ZDHHC7: variants seen among roughly 807,000 people sequenced by gnomAD.
ZDHHC7 encodes zDHHC palmitoyltransferase 7.
ZDHHC7 carries 12 observed loss-of-function variants against 34.1 expected under a neutral mutation model. The ratio of observed to expected loss-of-function variants is 0.35; its 90% confidence interval spans 0.23 to 0.57. The LOEUF (loss-of-function observed/expected upper bound fraction) is 0.57, where lower values mean the gene tolerates loss of function less well. Ranked by LOEUF, ZDHHC7 falls within the 20% of genes least tolerant of loss-of-function variation. The pLI is 0.84. For synonymous variants in ZDHHC7, 185 were observed against 155.4 expected (o/e 1.19, Z -1.42); for missense variants, 388 against 402.7 (o/e 0.96, Z 0.31).
intron 4 of ZDHHC7, among the ~76,000 whole-genome samples, chr16:84,981,082 G>T (rs545366285): frequency 6.6e-6 from 1 of 152,178 alleles, no homozygotes; most frequent in African/African-American, 2.4e-5. Flanking sequence ...GTACAGGGAC[G>T]TGTGACAACT....
At chr16:85,006,063 C>T (rs1028765855) in intron 1 of ZDHHC7, among the ~76,000 whole-genome samples, 7 of 152,134 alleles carry the variant, frequency 4.6e-5, no homozygotes, top group East Asian at 1.9e-4. Flanking sequence ...CAGGAATCAC[C>T]GTTCAAAATC....
chr16:85,012,578 A>G (rs2072808501), upstream of ZDHHC7, among the ~76,000 whole-genome samples: 1 of 152,012 alleles, frequency 6.6e-6, no homozygotes, highest in Non-Finnish European at 1.5e-5. Flanking sequence ...ATGCCAGACA[A>G]TACCTACTTG....
At chr16:84,987,893 G>A (rs775864811) in intron 3 of ZDHHC7, among the ~76,000 whole-genome samples, 9 of 152,236 alleles carry the variant, frequency 5.9e-5, no homozygotes, top group African/African-American at 7.2e-5. Flanking sequence ...GCGGCCAGGC[G>A]CAGTGGCTCA....
At position 84,975,721 on chromosome 16, in the gene ZDHHC7, A is replaced by ACACACGCGCG. The variant is rs1241800930; in HGVS notation, c.*612_*621dup. The ACACACGCGCG allele has an allele frequency of 6.8e-6, 1 of 146,726 alleles. No individual in the cohort carries two copies. The highest frequency in any genetic ancestry group is 1.5e-5 in the Non-Finnish European group (1 of 67,720). 9.1% of individuals were successfully genotyped at this position (146,726 alleles called of 1,614,324 possible). A position where few individuals can be genotyped will look rare whatever the true frequency, so the allele number is the denominator to read the frequency against. ...ACACTGGCAATTTTGACACACATGC[A>ACACACGCGCG]CACACGCGCGCACACGCACAGACAC... On this transcript the variant is annotated 3_prime_UTR_variant, in exon 8 of 8. Coordinates refer to ENST00000313732, the MANE Select transcript of ZDHHC7 (RefSeq NM_017740.3).
At chr16:84,984,984 C>A (rs996495444) in intron 3 of ZDHHC7, among the ~76,000 whole-genome samples, 1 of 152,222 alleles carries the variant, frequency 6.6e-6, no homozygotes, top group Non-Finnish European at 1.5e-5. Flanking sequence ...CTTCTTCCCA[C>A]CAGAACAAAC....
At chr16:84,986,689 A>G (rs1270244408) in intron 3 of ZDHHC7, among the ~76,000 whole-genome samples, 2 of 152,100 alleles carry the variant, frequency 1.3e-5, no homozygotes, top group African/African-American at 4.8e-5. Context: ...CCTCACTCAA[A>G]GCACCAATGA....
At chr16:85,008,018 G>A (rs1469347777) in intron 1 of ZDHHC7, among the ~76,000 whole-genome samples, 1 of 151,912 alleles carries the variant, frequency 6.6e-6, no homozygotes, top group African/African-American at 2.4e-5. Flanking sequence ...AGGAGGCTGA[G>A]GTAGAAGAAA....
At chr16:84,977,057 CCA>C in intron 7 of ZDHHC7, 36 bp downstream of exon 7, 1 of 1,611,596 alleles carries the variant, frequency 6.2e-7, no homozygotes, top group Non-Finnish European at 8.5e-7. Context: ...CAAGCTTGGA[CCA>C]CATATGAAGT....
rs756701455 is a variant in ZDHHC7 at position 84,975,984 on chromosome 16, C to G, written c.*359G>C. On this transcript the variant is annotated 3_prime_UTR_variant, in exon 8 of 8. Coordinates refer to ENST00000313732, the MANE Select transcript of ZDHHC7 (RefSeq NM_017740.3). The stretch of plus-strand genomic sequence containing the variant: ...CCTGAAATGACTGCTTGGAGAATCC[C>G]TGTTCACTGGATTCACTGTTTTTCT... 33 of 244,220 alleles carry G rather than the reference C, an allele frequency of 1.4e-4. No homozygotes were observed. Among genetic ancestry groups the G allele is most frequent in the Middle Eastern group, 1.4e-3 (1 of 698 alleles). The allele number at this position is 244,220 out of a possible 1,614,324, so 15.1% of individuals were successfully genotyped here. A position where few individuals can be genotyped will look rare whatever the true frequency, so the allele number is the denominator to read the frequency against.
the ZDHHC7 span, among the ~76,000 whole-genome samples, chr16:85,027,030 C>A: frequency 6.6e-6 from 1 of 152,072 alleles, no homozygotes; most frequent in African/African-American, 2.4e-5. Flanking sequence ...AACTTTTTTT[C>A]TTTTAATTGA....
intron 1 of ZDHHC7, among the ~76,000 whole-genome samples, chr16:84,999,771 G>C (rs1215508153): frequency 6.6e-6 from 1 of 152,152 alleles, no homozygotes; most frequent in African/African-American, 2.4e-5. Context: ...TATCTTGAGA[G>C]GGAAGTGGGT....
chr16:84,995,478 T>C (rs1053069201), intron 2 of ZDHHC7, among the ~76,000 whole-genome samples: 2 of 152,042 alleles, frequency 1.3e-5, no homozygotes, highest in East Asian at 3.9e-4. Context: ...ATATAAAAAT[T>C]AGCCGGGCAT....
chr16:84,982,889 C>G (rs2072389099), intron 3 of ZDHHC7, among the ~76,000 whole-genome samples: 1 of 152,234 alleles, frequency 6.6e-6, no homozygotes, highest in African/African-American at 2.4e-5. Context: ...GAGCTGAAGG[C>G]CAAGAGTCAC....
At chr16:84,979,845 G>C (rs753688625) in intron 4 of ZDHHC7, among the ~76,000 whole-genome samples, 4 of 151,252 alleles carry the variant, frequency 2.6e-5, no homozygotes, top group Non-Finnish European at 5.9e-5. Flanking sequence ...TAACTAATTT[G>C]ATTATCGATT....
chr16:85,024,254 C>T, the ZDHHC7 span, among the ~76,000 whole-genome samples: 2 of 122,626 alleles, frequency 1.6e-5, no homozygotes, highest in African/African-American at 6.2e-5. Context: ...TTTTTTGAGA[C>T]AGAGTCTTGC....
rs2072571372 is a variant in ZDHHC7, at chr16:84,995,952, C to T, written c.-48G>A. The T allele has an allele frequency of 2.0e-5, 3 of 152,360 alleles. 1 individual carries two copies. The highest frequency in any genetic ancestry group is 4.1e-4 in the South Asian group (2 of 4,828). The allele number at this position is 152,360 out of a possible 1,614,324, so 9.4% of individuals were successfully genotyped here. A position where few individuals can be genotyped will look rare whatever the true frequency, so the allele number is the denominator to read the frequency against. Reference sequence around the variant, plus strand: ...AAGTTATTTCTAAACATCACTTGAACATTTTGTGCCGTTTCTTCAGGATCT... The same window carrying T: ...AAGTTATTTCTAAACATCACTTGAATATTTTGTGCCGTTTCTTCAGGATCT... On this transcript the variant is annotated 5_prime_UTR_variant, in exon 2 of 8. The change abolishes an upstream ATG in the 5' untranslated region. Transcript: ENST00000313732.
chr16:85,001,641 G>A (rs2072654760), intron 1 of ZDHHC7, among the ~76,000 whole-genome samples: 1 of 152,074 alleles, frequency 6.6e-6, no homozygotes, highest in Admixed American at 6.6e-5. Flanking sequence ...ACACACATGG[G>A]TTAGCATCCA....
In ZDHHC7 at chr16:84,976,636, T is replaced by C. The variant is rs572387262; in HGVS notation, c.751-117A>G. On this transcript the variant is annotated intron_variant, in intron 7 of 7. Coordinates refer to ENST00000313732, the MANE Select transcript of ZDHHC7 (RefSeq NM_017740.3). ...GTGGGCTCGATGGAGGGTAGGTGAGTGAACTCTCCTTCCCAGCTCTGCCCC... is the reference window on the plus strand; with the variant it reads ...GTGGGCTCGATGGAGGGTAGGTGAGCGAACTCTCCTTCCCAGCTCTGCCCC... 6.6e-6 allele frequency: 9 copies of C among 1,359,382 alleles called. No homozygotes were observed. The African/African-American group carries it at 1.3e-4, about 20-fold the overall frequency. 84.2% of individuals were successfully genotyped at this position (1,359,382 alleles called of 1,614,324 possible).
chr16:85,008,952 G>A (rs570281147), intron 1 of ZDHHC7, among the ~76,000 whole-genome samples: 323 of 151,614 alleles, frequency 2.1e-3, no homozygotes, highest in Middle Eastern at 0.01. Flanking sequence ...GGCTGAGGCA[G>A]GAGAATCGCT....
Sources: allele counts gnomAD v4.1 joint callset (sites outside exome capture counted in the v4.1 genomes callset), GRCh38; gene constraint gnomAD v4.1.1; transcripts MANE v1.5; gene names NCBI Gene and HGNC (gene_info 2026-07-23, HGNC 2026-07-21).